MIPOL1: variants seen among roughly 807,000 people sequenced by gnomAD.
MIPOL1 encodes the protein mirror-image polydactyly gene 1 protein.
Under a neutral mutation model 60.9 loss-of-function variants are expected in MIPOL1, and 57 were observed. The ratio of observed to expected loss-of-function variants is 0.94; its 90% CI spans 0.76 to 1.17. The LOEUF (loss-of-function observed/expected upper bound fraction) is 1.17, where lower values mean the gene tolerates loss of function less well. MIPOL1 is among the 50% of genes most tolerant of loss of function. The pLI is 0.00. For missense variants in MIPOL1, 551 were observed against 511.6 expected (o/e 1.08, Z -0.74); for synonymous variants, 179 against 168.8 (o/e 1.06, Z -0.47).
chr14:37,498,774 A>G (rs1308759602), intron 11 of MIPOL1, among the ~76,000 whole-genome samples: 3 of 152,088 alleles, frequency 2.0e-5, no homozygotes, highest in Non-Finnish European at 2.9e-5. Context: ...TCCTTGTTTC[A>G]TATCCATCCT....
At chr14:37,522,583 C>T (rs758541684) in intron 12 of MIPOL1, among the ~76,000 whole-genome samples, 2 of 152,128 alleles carry the variant, frequency 1.3e-5, no homozygotes, top group Non-Finnish European at 2.9e-5. Flanking sequence ...TTATTATACT[C>T]TGTAACCAAT....
chr14:37,405,654 GA>G (rs1392707020), intron 10 of MIPOL1, among the ~76,000 whole-genome samples: 1 of 151,876 alleles, frequency 6.6e-6, no homozygotes, highest in Non-Finnish European at 1.5e-5. Context: ...TCATAAATGA[GA>G]GACTTATAAA....
intron 9 of MIPOL1, among the ~76,000 whole-genome samples, chr14:37,338,796 A>G (rs1465688739): frequency 6.6e-6 from 1 of 152,206 alleles, no homozygotes; most frequent in East Asian, 1.9e-4. Context: ...TCAGAAAAAG[A>G]GCCTTGACCC....
chr14:37,319,351 T>C (rs2088298643), intron 9 of MIPOL1, among the ~76,000 whole-genome samples: 1 of 152,202 alleles, frequency 6.6e-6, no homozygotes. Context: ...AGAAAAGTTG[T>C]ACCTAGAAAT....
chr14:37,363,507 C>T (rs542346416), intron 9 of MIPOL1, among the ~76,000 whole-genome samples: 27 of 152,270 alleles, frequency 1.8e-4, no homozygotes, highest in African/African-American at 5.3e-4. Flanking sequence ...CTGGAAGCTT[C>T]ATCCCAGAGG....
intron 9 of MIPOL1, among the ~76,000 whole-genome samples, chr14:37,332,565 G>C (rs554298022): frequency 1.2e-3 from 189 of 152,198 alleles, no homozygotes; most frequent in Admixed American, 3.1e-3. Context: ...TATTCTTAAA[G>C]TAAGCTAGAG....
At chr14:37,322,249 G>C (rs1595127811) in intron 9 of MIPOL1, among the ~76,000 whole-genome samples, 3 of 152,044 alleles carry the variant, frequency 2.0e-5, no homozygotes, top group African/African-American at 7.2e-5. Flanking sequence ...CTCTACGTCT[G>C]ACAAGTGCAT....
chr14:37,353,062 T>G (rs1306761262), intron 9 of MIPOL1, among the ~76,000 whole-genome samples: 3 of 129,012 alleles, frequency 2.3e-5, no homozygotes, highest in African/African-American at 5.8e-5. Context: ...TAGCTCTTAT[T>G]ATTTTGAAAT....
intron 9 of MIPOL1, among the ~76,000 whole-genome samples, chr14:37,319,693 C>G (rs2088338925): frequency 6.6e-6 from 1 of 152,108 alleles, no homozygotes; most frequent in African/African-American, 2.4e-5. Context: ...GAAGTAATCT[C>G]AAGTGAAGGA....
At chr14:37,280,953 T>A (rs1423467800) in intron 6 of MIPOL1, among the ~76,000 whole-genome samples, 8 of 152,212 alleles carry the variant, frequency 5.3e-5, no homozygotes, top group African/African-American at 1.9e-4. Flanking sequence ...AGATATTTTC[T>A]CCTACACTGT....
At chr14:37,298,781 T>G (rs1401124637) in intron 7 of MIPOL1, among the ~76,000 whole-genome samples, 3 of 151,474 alleles carry the variant, frequency 2.0e-5, no homozygotes, top group Non-Finnish European at 4.4e-5. Flanking sequence ...TGGCAATCAT[T>G]AAAAAGTCAG....
intron 9 of MIPOL1, among the ~76,000 whole-genome samples, chr14:37,320,140 C>T (rs561650177): frequency 2.6e-5 from 4 of 152,096 alleles, no homozygotes; most frequent in Admixed American, 1.3e-4. Flanking sequence ...TATCTTTTGG[C>T]GGGCCTTAGC....
At chr14:37,238,905 A>G (rs1820916660) in intron 1 of MIPOL1, among the ~76,000 whole-genome samples, 2 of 151,976 alleles carry the variant, frequency 1.3e-5, no homozygotes, top group African/African-American at 4.8e-5. Flanking sequence ...GTGAGCCAAG[A>G]TCACATCACT....
intron 12 of MIPOL1, among the ~76,000 whole-genome samples, chr14:37,531,965 C>T (rs915933575): frequency 1.3e-5 from 2 of 152,054 alleles, no homozygotes; most frequent in African/African-American, 4.8e-5. Flanking sequence ...CCGTACATTA[C>T]CCATCTGTTC....
chr14:37,508,465 T>C (rs1245057197), intron 12 of MIPOL1, among the ~76,000 whole-genome samples: 2 of 152,176 alleles, frequency 1.3e-5, no homozygotes, highest in African/African-American at 4.8e-5. Context: ...TTTTAAACGA[T>C]ATTTTTATTG....
intron 9 of MIPOL1, among the ~76,000 whole-genome samples, chr14:37,356,202 T>C (rs2091805426): frequency 6.6e-6 from 1 of 151,790 alleles, no homozygotes; most frequent in Admixed American, 6.6e-5. Context: ...GGGGTGTGCC[T>C]CCCAGTTAGG....
chr14:37,404,716 G>A (rs1566536856), intron 10 of MIPOL1, among the ~76,000 whole-genome samples: 1 of 152,156 alleles, frequency 6.6e-6, no homozygotes, highest in Non-Finnish European at 1.5e-5. Flanking sequence ...AGAAAGAGAA[G>A]GATAGGAGCT....
At chr14:37,211,483 G>C (rs1443527554) in intron 1 of MIPOL1, among the ~76,000 whole-genome samples, 1 of 152,106 alleles carries the variant, frequency 6.6e-6, no homozygotes, top group Admixed American at 6.5e-5. Flanking sequence ...AAGCAGACCA[G>C]ACTCAGCTGA....
At chr14:37,451,250 T>G (rs1180347763) in intron 11 of MIPOL1, among the ~76,000 whole-genome samples, 2 of 152,186 alleles carry the variant, frequency 1.3e-5, no homozygotes, top group African/African-American at 4.8e-5. Flanking sequence ...CTACTTCATC[T>G]CTGTACCTTA....
Sources: gnomAD v4.1 joint callset for allele counts (sites outside exome capture counted in the v4.1 genomes callset) on GRCh38, gnomAD v4.1.1 for gene constraint, MANE v1.5 for transcripts, NCBI Gene and HGNC (gene_info 2026-07-23, HGNC 2026-07-21) for gene names.